Variants in AGMO observed in about 807,000 individuals in gnomAD.
AGMO encodes alkylglycerol monooxygenase.
A neutral mutation model predicts 60.2 loss-of-function variants in AGMO; 75 were observed. The observed-to-expected ratio is 1.25, with a 90% CI of 1.03 to 1.51. AGMO has a LOEUF of 1.51. Ranked by LOEUF, AGMO falls within the 40% of genes most tolerant of loss-of-function variation. The probability of loss-of-function intolerance (pLI) is 0.00; values close to 1 mark genes in which losing one functional copy is unlikely to be tolerated. For synonymous variants in AGMO, 261 were observed against 177.1 expected, an observed-to-expected ratio of 1.47 and a Z score of -3.76; for missense variants, 763 against 525.5, an observed-to-expected ratio of 1.45 and a Z score of -4.42.
chr7:15,358,986 A>G (rs961307508), intron 12 of AGMO, among the ~76,000 whole-genome samples: 1 of 152,168 alleles, frequency 6.6e-6, no homozygotes, highest in African/African-American at 2.4e-5. Context: ...TGCCATTTTT[A>G]TAAGGATTTT....
intron 3 of AGMO, among the ~76,000 whole-genome samples, chr7:15,494,245 C>G (rs1783160578): frequency 6.6e-6 from 1 of 152,126 alleles, no homozygotes; most frequent in Admixed American, 6.6e-5. Context: ...AAAATAGAGG[C>G]TCATCAAAAT....
At chr7:15,524,370 T>C (rs1445068727) in intron 3 of AGMO, among the ~76,000 whole-genome samples, 1 of 152,122 alleles carries the variant, frequency 6.6e-6, no homozygotes, top group South Asian at 2.1e-4. Flanking sequence ...ATTCAGACGA[T>C]TTTCAAAAAT....
At chr7:15,359,167 T>TA (rs955252682) in intron 12 of AGMO, among the ~76,000 whole-genome samples, 78 of 151,644 alleles carry the variant, frequency 5.1e-4, no homozygotes, top group African/African-American at 1.8e-3. Flanking sequence ...CAGGAACCTG[T>TA]AGTCCCAGCT....
intron 3 of AGMO, among the ~76,000 whole-genome samples, chr7:15,500,698 T>G (rs1783360076): frequency 6.6e-6 from 1 of 151,974 alleles, no homozygotes; most frequent in African/African-American, 2.4e-5. Flanking sequence ...TCAGTTCAGC[T>G]CTGATTTGAG....
intron 6 of AGMO, among the ~76,000 whole-genome samples, chr7:15,391,550 T>TA (rs1562481814): frequency 1.3e-5 from 2 of 152,112 alleles, no homozygotes; most frequent in East Asian, 3.9e-4. Context: ...CTGTAAATCT[T>TA]AAGAAAAAGA....
chr7:15,270,562 A>G (rs1395630517), intron 12 of AGMO, among the ~76,000 whole-genome samples: 1 of 82,908 alleles, frequency 1.2e-5, no homozygotes, highest in East Asian at 3.5e-4. Flanking sequence ...ATTTTCTGTC[A>G]TTTTGTAGAT....
At chr7:15,459,148 A>C (rs1274094482) in intron 3 of AGMO, among the ~76,000 whole-genome samples, 2 of 152,148 alleles carry the variant, frequency 1.3e-5, no homozygotes, top group Non-Finnish European at 2.9e-5. Flanking sequence ...CTAGCACTTT[A>C]GTAGTTCAAG....
chr7:15,415,520 C>A (rs1384717230), intron 5 of AGMO, among the ~76,000 whole-genome samples: 2 of 151,580 alleles, frequency 1.3e-5, no homozygotes, highest in African/African-American at 2.4e-5. Context: ...TCCAGCCTGG[C>A]AACAGAGTGA....
intron 3 of AGMO, among the ~76,000 whole-genome samples, chr7:15,542,202 G>A (rs73679648): frequency 0.033 from 5,063 of 152,116 alleles, 256 homozygotes; most frequent in African/African-American, 0.11. Flanking sequence ...ATTTAAATAA[G>A]TTACTTTTTT....
intron 12 of AGMO, among the ~76,000 whole-genome samples, chr7:15,349,835 C>A (rs1195307781): frequency 2.0e-5 from 3 of 152,036 alleles, no homozygotes; most frequent in African/African-American, 7.2e-5. Context: ...GGTGAGAACT[C>A]ACTATCATGA....
At chr7:15,417,736 T>A (rs1469779273) in intron 5 of AGMO, among the ~76,000 whole-genome samples, 1 of 152,224 alleles carries the variant, frequency 6.6e-6, no homozygotes, top group Non-Finnish European at 1.5e-5. Flanking sequence ...GTTAATGGAA[T>A]AATGCACTTT....
chr7:15,505,244 G>A (rs1344513117), intron 3 of AGMO, among the ~76,000 whole-genome samples: 1 of 151,948 alleles, frequency 6.6e-6, no homozygotes, highest in Non-Finnish European at 1.5e-5. Flanking sequence ...ACAGGATTAA[G>A]AAATTAAGGC....
intron 12 of AGMO, among the ~76,000 whole-genome samples, chr7:15,247,881 T>C (rs1211455130): frequency 6.6e-6 from 1 of 151,650 alleles, no homozygotes; most frequent in Non-Finnish European, 1.5e-5. Flanking sequence ...CTCAAAAGGC[T>C]CTCTGATAGA....
intron 12 of AGMO, among the ~76,000 whole-genome samples, chr7:15,314,525 T>C (rs1476526568): frequency 1.3e-5 from 2 of 152,190 alleles, no homozygotes; most frequent in African/African-American, 4.8e-5. Flanking sequence ...TCTTTAAAAG[T>C]TTAACTGGAT....
chr7:15,237,945 C>T (rs1334076547), intron 12 of AGMO, among the ~76,000 whole-genome samples: 1 of 152,056 alleles, frequency 6.6e-6, no homozygotes, highest in Admixed American at 6.5e-5. Context: ...AAAGACAGGG[C>T]TCTTATTTAT....
chr7:15,327,740 C>CTT (rs546851399), intron 12 of AGMO, among the ~76,000 whole-genome samples: 99 of 88,006 alleles, frequency 1.1e-3, no homozygotes, highest in Non-Finnish European at 1.8e-3. Flanking sequence ...TGATTTCTTT[C>CTT]TTTTTTTTTT....
At chr7:15,239,720 G>A (rs918696332) in intron 12 of AGMO, among the ~76,000 whole-genome samples, 1 of 152,062 alleles carries the variant, frequency 6.6e-6, no homozygotes, top group African/African-American at 2.4e-5. Flanking sequence ...AATTTCATTT[G>A]CTATCAATCA....
intron 2 of AGMO, among the ~76,000 whole-genome samples, chr7:15,558,344 C>T (rs1189516382): frequency 2.6e-5 from 4 of 151,888 alleles, no homozygotes; most frequent in Non-Finnish European, 5.9e-5. Flanking sequence ...ATCGTATATA[C>T]AGGGCAATTT....
At chr7:15,241,459 C>CAAAAA (rs61727790) in intron 12 of AGMO, among the ~76,000 whole-genome samples, 6 of 51,354 alleles carry the variant, frequency 1.2e-4, no homozygotes, top group Admixed American at 5.1e-4. Flanking sequence ...GACTCCGTCT[C>CAAAAA]AAAAAAAAAA....
Sources: allele counts gnomAD v4.1 joint callset (sites outside exome capture counted in the v4.1 genomes callset), GRCh38; gene constraint gnomAD v4.1.1; transcripts MANE v1.5; gene names NCBI Gene and HGNC (gene_info 2026-07-23, HGNC 2026-07-21).